RABGAP1L: variants seen among roughly 807,000 people sequenced by gnomAD.
The protein encoded by RABGAP1L is rab GTPase-activating protein 1-like.
Under a neutral mutation model 137.7 loss-of-function variants are expected in RABGAP1L, and 63 were observed. That is an observed-to-expected ratio of 0.46 (90% CI 0.37 to 0.56). RABGAP1L has a LOEUF of 0.56. RABGAP1L is among the 20% of genes least tolerant of loss of function. The probability of loss-of-function intolerance (pLI) is 0.00; values close to 1 mark genes in which losing one functional copy is unlikely to be tolerated. For missense variants in RABGAP1L, 1,095 were observed against 1,244.0 expected, an observed-to-expected ratio of 0.88 and a Z score of 1.80; for synonymous variants, 431 against 433.7, an observed-to-expected ratio of 0.99 and a Z score of 0.08.
In RABGAP1L at chr1:174,761,941, C is replaced by T. The variant is rs748273482; in HGVS notation, c.2211+9587C>T. Among the ~76,000 whole-genome samples the T allele has an allele frequency of 4.7e-4, 71 of 151,872 alleles. No homozygotes were observed. Among genetic ancestry groups the T allele is most frequent in the Non-Finnish European group, 8.4e-4 (57 of 67,968 alleles). On this transcript the variant is annotated intron_variant, in intron 18 of 25. Coordinates refer to ENST00000681986, the MANE Select transcript of RABGAP1L (RefSeq NM_001366446.1). This position sits in a 1 kb window ranked among gnomAD's most constrained non-coding sequence, Gnocchi z 4.0. ...AGTATTATGGGGAAAAGGAAAAGTACCGCAGGGTGATGGGAGTTATGGGTA... is the reference window on the plus strand; with the variant it reads ...AGTATTATGGGGAAAAGGAAAAGTATCGCAGGGTGATGGGAGTTATGGGTA...
chr1:174,770,403 A>G (rs1157337623), intron 18 of RABGAP1L, among the ~76,000 whole-genome samples: 1 of 152,242 alleles, frequency 6.6e-6, no homozygotes, highest in Non-Finnish European at 1.5e-5. Flanking sequence ...GAAAAAATGT[A>G]TATCATCACA....
At chr1:174,599,907 T>C (rs1254179472) in intron 13 of RABGAP1L, among the ~76,000 whole-genome samples, 1 of 152,182 alleles carries the variant, frequency 6.6e-6, no homozygotes, top group Non-Finnish European at 1.5e-5. Context: ...TCTCTTTGAA[T>C]AATGCTGTCT....
At chr1:174,292,540 A>T in intron 10 of RABGAP1L, among the ~76,000 whole-genome samples, 1 of 150,540 alleles carries the variant, frequency 6.6e-6, no homozygotes, top group Non-Finnish European at 1.5e-5. Flanking sequence ...ATATTGTTTG[A>T]TTTTCCAATA....
chr1:174,920,531 C>T (rs771104891), intron 19 of RABGAP1L, among the ~76,000 whole-genome samples: 2 of 152,154 alleles, frequency 1.3e-5, no homozygotes, highest in African/African-American at 2.4e-5. Flanking sequence ...GCAGCCAAAC[C>T]ATATCAACTA....
At chr1:174,199,234 C>T (rs752239478) in intron 1 of RABGAP1L, among the ~76,000 whole-genome samples, 1 of 152,162 alleles carries the variant, frequency 6.6e-6, no homozygotes, top group African/African-American at 2.4e-5. Flanking sequence ...TTATTTTACT[C>T]ACTCGACCAG....
At chr1:174,585,640 G>A (rs1334488080) in intron 13 of RABGAP1L, among the ~76,000 whole-genome samples, 1 of 152,138 alleles carries the variant, frequency 6.6e-6, no homozygotes, top group Admixed American at 6.6e-5. Flanking sequence ...AGACAGTTTT[G>A]CTCCTTTTCA....
intron 13 of RABGAP1L, among the ~76,000 whole-genome samples, chr1:174,551,004 A>ATG (rs1666486627): frequency 8.5e-6 from 1 of 117,406 alleles, no homozygotes; most frequent in Admixed American, 8.3e-5. Flanking sequence ...ATACACATAT[A>ATG]TATATATATA....
intron 11 of RABGAP1L, among the ~76,000 whole-genome samples, chr1:174,322,072 A>G (rs537446983): frequency 6.6e-6 from 1 of 152,022 alleles, no homozygotes; most frequent in Non-Finnish European, 1.5e-5. Flanking sequence ...TTGAAGAGTA[A>G]AAGTTTAATT....
intron 13 of RABGAP1L, among the ~76,000 whole-genome samples, chr1:174,552,835 C>A (rs182164948): frequency 6.6e-6 from 1 of 152,306 alleles, no homozygotes; most frequent in East Asian, 1.9e-4. Context: ...AATTTACACT[C>A]CCATCAACAG....
At chr1:174,590,431 T>C (rs928172497) in intron 13 of RABGAP1L, among the ~76,000 whole-genome samples, 41 of 122,546 alleles carry the variant, frequency 3.3e-4, no homozygotes, top group Non-Finnish European at 6.2e-4. Context: ...ACATGTGCCA[T>C]GCTGGTGCGC....
chr1:174,762,251 C>T (rs377288766), intron 18 of RABGAP1L, among the ~76,000 whole-genome samples: 2 of 152,204 alleles, frequency 1.3e-5, no homozygotes, highest in Non-Finnish European at 2.9e-5. Context: ...TGATCTGGCA[C>T]AACTTACCTC....
intron 18 of RABGAP1L, among the ~76,000 whole-genome samples, chr1:174,803,076 A>G (rs190139331): frequency 5.9e-5 from 9 of 152,248 alleles, no homozygotes; most frequent in African/African-American, 1.9e-4. Flanking sequence ...TCATCATAAA[A>G]CCAGTCATTT....
chr1:174,412,618 A>G (rs2149134726), intron 13 of RABGAP1L, among the ~76,000 whole-genome samples: 1 of 152,170 alleles, frequency 6.6e-6, no homozygotes, highest in African/African-American at 2.4e-5. Flanking sequence ...ATTTCCATGT[A>G]TAGAAATATC....
chr1:174,548,721 T>G (rs1470736459), intron 13 of RABGAP1L, among the ~76,000 whole-genome samples: 4 of 152,200 alleles, frequency 2.6e-5, no homozygotes, highest in Non-Finnish European at 5.9e-5. Context: ...AACTTCAGAT[T>G]CTATATCCTT....
intron 13 of RABGAP1L, among the ~76,000 whole-genome samples, chr1:174,550,883 T>TACAC (rs1558333643): frequency 1.8e-5 from 1 of 57,040 alleles, no homozygotes; most frequent in Admixed American, 1.8e-4. Context: ...TATATATATA[T>TACAC]ATATATATAT....
rs1195643909 is a variant in RABGAP1L, at chr1:174,637,476, T to C, written c.1812T>C (p.Tyr604=). 1 of 1,600,370 alleles carries C rather than the reference T, an allele frequency of 6.2e-7. No homozygotes were observed. Among genetic ancestry groups the C allele is most frequent in the Admixed American group, 1.7e-5 (1 of 59,988 alleles). Residue 604 remains tyrosine (Y), a synonymous_variant, in exon 14 of 26, where the codon TAT becomes TAC. Coordinates refer to ENST00000681986, the MANE Select transcript of RABGAP1L (RefSeq NM_001366446.1). The part of the protein sequence containing the change: ...DTGGDGQESL[Y]KICKAYSVYD... Reference sequence around the variant, plus strand: ...GAGGAGATGGTCAAGAATCGCTCTATAAGATCTGCAAGGTAGGACTCTCTT... The same window carrying C: ...GAGGAGATGGTCAAGAATCGCTCTACAAGATCTGCAAGGTAGGACTCTCTT...
At position 174,590,349 on chromosome 1, in the gene RABGAP1L, T is replaced by A. The variant is rs867441590; in HGVS notation, c.1711-47026T>A. ...TTGTTTTTTTTTCTTTTTTTTTTTA[T>A]TTATTTTTTTTTTATTATACTCTAA... On this transcript the variant is annotated intron_variant, in intron 13 of 25. Transcript: ENST00000681986. 4.3e-3 allele frequency among the ~76,000 whole-genome samples: 539 copies of A among 126,584 alleles called. 8 individuals carry two copies. Among genetic ancestry groups the A allele is most frequent in the African/African-American group, 0.014 (455 of 33,392 alleles). 83.0% of individuals were successfully genotyped at this position (126,584 alleles called of 152,430 possible). A position where few individuals can be genotyped will look rare whatever the true frequency, so the allele number is the denominator to read the frequency against.
chr1:174,818,416 G>A (rs186876688), intron 19 of RABGAP1L, among the ~76,000 whole-genome samples: 24 of 152,274 alleles, frequency 1.6e-4, no homozygotes, highest in East Asian at 1.5e-3. Flanking sequence ...AATATTTAAC[G>A]AAAAGACATC....
chr1:174,485,850 T>C (rs1659565782), intron 13 of RABGAP1L, among the ~76,000 whole-genome samples: 2 of 152,198 alleles, frequency 1.3e-5, no homozygotes, highest in African/African-American at 4.8e-5. Flanking sequence ...ATACTGGCCT[T>C]GTAGAGTGAG....
Sources: allele counts gnomAD v4.1 joint callset (sites outside exome capture counted in the v4.1 genomes callset), GRCh38; gene constraint gnomAD v4.1.1; non-coding constraint Gnocchi (gnomAD v3.1); transcripts MANE v1.5; gene names NCBI Gene and HGNC (gene_info 2026-07-23, HGNC 2026-07-21).